TANC2: variants seen among roughly 807,000 people sequenced by gnomAD.
TANC2 encodes protein TANC2.
A neutral mutation model predicts 210.5 loss-of-function variants in TANC2; 26 were observed. The observed-to-expected ratio is 0.12, with a 90% CI of 0.09 to 0.17. The LOEUF is 0.17. TANC2 is among the 10% of genes least tolerant of loss of function. TANC2 has a pLI of 1.00. For synonymous variants in TANC2, 931 were observed against 967.1 expected (o/e 0.96, Z 0.69); for missense variants, 2,129 against 2,608.9 (o/e 0.82, Z 4.01).
chr17:63,413,327 G>T, intron 24 of TANC2: 1 of 470,364 alleles, frequency 2.1e-6, no homozygotes. Context: ...GGCTCACATG[G>T]TTCAAGTATT....
At chr17:63,060,637 C>T (rs1211887592) in intron 2 of TANC2, among the ~76,000 whole-genome samples, 1 of 151,880 alleles carries the variant, frequency 6.6e-6, no homozygotes, top group Non-Finnish European at 1.5e-5. Context: ...AAAACAAGTC[C>T]TCATTTAATC....
At chr17:63,375,660 G>C (rs879517097) in intron 14 of TANC2, among the ~76,000 whole-genome samples, 2 of 152,204 alleles carry the variant, frequency 1.3e-5, no homozygotes, top group Admixed American at 1.3e-4. Context: ...TTACTGTTAA[G>C]AGCTGGACAG....
exon 28 of TANC2, chr17:63,424,322 AAG>A (rs1432044160): frequency 1.3e-5 from 2 of 152,188 alleles, no homozygotes; most frequent in African/African-American, 4.8e-5. Context: ...TGGCCATCAT[AAG>A]AGGGAGTAGG....
intron 12 of TANC2, among the ~76,000 whole-genome samples, chr17:63,343,903 A>C (rs1043775836): frequency 6.6e-6 from 1 of 152,234 alleles, no homozygotes; most frequent in African/African-American, 2.4e-5. Context: ...CTCAAAAAGA[A>C]AAAAGAAAGT....
At chr17:63,257,626 C>T (rs1424641277) in intron 8 of TANC2, among the ~76,000 whole-genome samples, 1 of 152,182 alleles carries the variant, frequency 6.6e-6, no homozygotes, top group East Asian at 1.9e-4. Flanking sequence ...TCCCAAAGTG[C>T]TGGGATTACA....
chr17:63,358,597 G>A (rs1431050694), intron 14 of TANC2, among the ~76,000 whole-genome samples: 1 of 151,998 alleles, frequency 6.6e-6, no homozygotes, highest in Non-Finnish European at 1.5e-5. Flanking sequence ...TCTGTCCTAT[G>A]TTTTATTCTC....
At chr17:63,268,221 A>G (rs2043588742) in intron 9 of TANC2, among the ~76,000 whole-genome samples, 1 of 152,200 alleles carries the variant, frequency 6.6e-6, no homozygotes, top group East Asian at 1.9e-4. Context: ...AGCCCTAGCC[A>G]TATTGCAGGT....
intron 11 of TANC2, among the ~76,000 whole-genome samples, chr17:63,330,307 T>TA (rs2045794108): frequency 6.6e-6 from 1 of 152,244 alleles, no homozygotes; most frequent in African/African-American, 2.4e-5. Flanking sequence ...TACGTGCTGA[T>TA]ACACGAGCTG....
At chr17:63,317,400 C>G (rs1295318410) in intron 10 of TANC2, among the ~76,000 whole-genome samples, 2 of 151,598 alleles carry the variant, frequency 1.3e-5, no homozygotes, top group Admixed American at 6.6e-5. Context: ...CCTACTCTCC[C>G]AAACCTGACA....
At position 63,355,479 on chromosome 17, in the gene TANC2, T is replaced by C. The variant is rs1195393709; in HGVS notation, c.2582+89T>C. ...GTATTGAAAGTAGAAGTGTTCTTCATTGAACATTTCACATAGAAGAGACAT... is the reference window on the plus strand; with the variant it reads ...GTATTGAAAGTAGAAGTGTTCTTCACTGAACATTTCACATAGAAGAGACAT... On this transcript the variant is annotated intron_variant, in intron 14 of 27. Coordinates refer to ENST00000689528, the Ensembl canonical transcript of TANC2. The C allele has an allele frequency of 4.5e-6, 6 of 1,341,668 alleles. 1 individual carries two copies. The Middle Eastern group carries it at 1.6e-3, about 350-fold the overall frequency. 83.1% of individuals were successfully genotyped at this position (1,341,668 alleles called of 1,614,324 possible).
intron 2 of TANC2, among the ~76,000 whole-genome samples, chr17:63,068,597 CA>C (rs2036287369): frequency 6.6e-6 from 1 of 152,044 alleles, no homozygotes; most frequent in African/African-American, 2.4e-5. Context: ...TATATTCATA[CA>C]GTGGAATACT....
intron 5 of TANC2, among the ~76,000 whole-genome samples, chr17:63,160,539 T>A (rs1355091983): frequency 5.9e-5 from 9 of 152,192 alleles, no homozygotes; most frequent in Admixed American, 5.2e-4. Context: ...ACATAATTTT[T>A]AAAAAACAAT....
At chr17:63,229,897 G>A (rs577633460) in intron 7 of TANC2, among the ~76,000 whole-genome samples, 64 of 151,822 alleles carry the variant, frequency 4.2e-4, no homozygotes, top group East Asian at 2.7e-3. Flanking sequence ...AGCCTCAAGC[G>A]ATTTTCATGC....
intron 14 of TANC2, among the ~76,000 whole-genome samples, chr17:63,376,247 C>CA (rs977752792): frequency 8.1e-5 from 12 of 148,374 alleles, no homozygotes; most frequent in African/African-American, 2.7e-4. Context: ...TCCAGGCTAA[C>CA]ACAGTGAAAC....
At chr17:63,220,210 G>T (rs560260990) in intron 7 of TANC2, among the ~76,000 whole-genome samples, 5 of 151,688 alleles carry the variant, frequency 3.3e-5, no homozygotes, top group Admixed American at 6.6e-5. Context: ...CAGGAGAATC[G>T]CTTGAACCCA....
intron 10 of TANC2, among the ~76,000 whole-genome samples, chr17:63,316,939 GAATATAAGTTATT>G (rs58145942): frequency 0.44 from 66,545 of 150,734 alleles, 18,232 homozygotes; most frequent in African/African-American, 0.78. Context: ...ATTTTTTACA[GAATATAAGTTATT>G]AATATAAGTT....
intron 3 of TANC2, among the ~76,000 whole-genome samples, chr17:63,084,447 G>A (rs915844284): frequency 8.6e-5 from 13 of 151,510 alleles, no homozygotes; most frequent in Admixed American, 5.3e-4. Context: ...CAAAGAACCA[G>A]GACTTGGTTT....
At chr17:63,145,297 A>C (rs1419000690) in intron 4 of TANC2, among the ~76,000 whole-genome samples, 2 of 152,210 alleles carry the variant, frequency 1.3e-5, no homozygotes, top group Non-Finnish European at 1.5e-5. Context: ...CACAAACACT[A>C]TCTCTCCTTC....
intron 3 of TANC2, 86 bp from the exon 4 acceptor site, chr17:63,099,089 G>A: frequency 7.6e-7 from 1 of 1,310,518 alleles, no homozygotes; most frequent in Non-Finnish European, 1.1e-6. Context: ...AATATTTGTT[G>A]TTCTGGATTA....
Sources: gnomAD v4.1 joint callset for allele counts (sites outside exome capture counted in the v4.1 genomes callset) on GRCh38, gnomAD v4.1.1 for gene constraint, MANE v1.5 for transcripts, NCBI Gene and HGNC (gene_info 2026-07-23, HGNC 2026-07-21) for gene names.